Variants in CNTNAP5 observed in about 807,000 individuals in gnomAD.
CNTNAP5 encodes the protein contactin associated protein family member 5.
CNTNAP5 carries 72 observed loss-of-function variants against 150.2 expected under a neutral mutation model. The observed-to-expected ratio is 0.48, with a 90% confidence interval of 0.40 to 0.58. CNTNAP5 has a LOEUF of 0.58. CNTNAP5 is among the 20% of genes least tolerant of loss of function. CNTNAP5 has a pLI of 0.00. For missense variants in CNTNAP5, 1,636 were observed against 1,626.2 expected (o/e 1.01, Z -0.10); for synonymous variants, 672 against 619.8 (o/e 1.08, Z -1.25).
At position 124,803,598 on chromosome 2, in the gene CNTNAP5, T is replaced by A. The variant is rs114609004; in HGVS notation, c.3217+5278T>A. Among the ~76,000 whole-genome samples, 947 of 152,340 alleles carry A rather than the reference T, an allele frequency of 6.2e-3. 10 individuals carry two copies. The highest frequency in any genetic ancestry group is 0.022 in the African/African-American group (916 of 41,586). The stretch of plus-strand genomic sequence containing the variant: ...CTGCCCTCCAGCACCAAATGGTTTG[T>A]CTGACTTTGCTTCAGGATTTCCTTT... On this transcript the variant is annotated intron_variant, in intron 19 of 23. Transcript: ENST00000682447.
At chr2:124,381,261 C>G (rs978080652) in intron 3 of CNTNAP5, among the ~76,000 whole-genome samples, 1 of 152,038 alleles carries the variant, frequency 6.6e-6, no homozygotes, top group African/African-American at 2.4e-5. Context: ...GAACAGGATA[C>G]CAACACAATA....
In CNTNAP5 at chr2:124,798,416, G is replaced by A. The variant is rs1681895135; in HGVS notation, c.3217+96G>A. The A allele has an allele frequency of 2.6e-5, 22 of 851,286 alleles. No homozygotes were observed. The East Asian group carries it at 5.4e-4, about 21-fold the overall frequency. The allele number at this position is 851,286 out of a possible 1,614,324, so 52.7% of individuals were successfully genotyped here. ...CTCTGCATAATTTCAACCTCAAGTT[G>A]GTCCCATCTGGGAAGCTTATTTCCA... On this transcript the variant is annotated intron_variant, in intron 19 of 23. Transcript: ENST00000682447.
chr2:124,696,366 G>T (rs1260013015), intron 13 of CNTNAP5, among the ~76,000 whole-genome samples: 3 of 152,120 alleles, frequency 2.0e-5, no homozygotes, highest in Admixed American at 6.6e-5. Context: ...AAATAAAAAG[G>T]CTTGTGATCT....
chr2:124,513,960 C>T (rs1694650362), intron 8 of CNTNAP5, among the ~76,000 whole-genome samples: 1 of 152,182 alleles, frequency 6.6e-6, no homozygotes, highest in Non-Finnish European at 1.5e-5. Context: ...CATGACGAGG[C>T]CGCAAGCTTC....
intron 19 of CNTNAP5, among the ~76,000 whole-genome samples, chr2:124,822,046 G>A (rs2104670281): frequency 6.6e-6 from 1 of 152,242 alleles, no homozygotes; most frequent in South Asian, 2.1e-4. Flanking sequence ...TTCTTGCAGA[G>A]CCCCTAGTCT....
At chr2:124,806,703 A>G (rs1162940231) in intron 19 of CNTNAP5, among the ~76,000 whole-genome samples, 2 of 152,318 alleles carry the variant, frequency 1.3e-5, no homozygotes, top group East Asian at 3.9e-4. Flanking sequence ...TAGAAAGAAA[A>G]AAGGAGTGCA....
rs138740100 is a variant in CNTNAP5, at chr2:124,265,590, A to G, written c.381+23197A>G. Among the ~76,000 whole-genome samples the G allele has an allele frequency of 3.9e-4, 60 of 152,280 alleles. No individual in the cohort carries two copies. The East Asian group carries it at 9.5e-3, about 24-fold the overall frequency. On this transcript the variant is annotated intron_variant, in intron 3 of 23. Coordinates refer to ENST00000682447, the MANE Select transcript of CNTNAP5 (RefSeq NM_001367498.1). ...GAAAGCATGGGGGACTGAGGGCAAC[A>G]TGCCTGGCAGAGATTACAGCAAGTT... is the stretch of plus-strand genomic sequence containing the variant.
At chr2:124,690,189 G>A (rs1006619473) in intron 13 of CNTNAP5, among the ~76,000 whole-genome samples, 1 of 151,970 alleles carries the variant, frequency 6.6e-6, no homozygotes, top group African/African-American at 2.4e-5. Context: ...TCAGCACAAG[G>A]TCTATTATAG....
At chr2:124,078,762 T>C (rs796312042) in intron 1 of CNTNAP5, among the ~76,000 whole-genome samples, 4 of 152,294 alleles carry the variant, frequency 2.6e-5, no homozygotes, top group African/African-American at 9.6e-5. Context: ...TGCAGGTATT[T>C]TATTTGTGAG....
chr2:124,898,928 C>T (rs1173290373), intron 21 of CNTNAP5, among the ~76,000 whole-genome samples: 3 of 151,450 alleles, frequency 2.0e-5, no homozygotes, highest in Non-Finnish European at 4.4e-5. Context: ...TTTAGTTAGA[C>T]TGGAGAATAA....
At chr2:124,389,005 A>G (rs1212300770) in intron 3 of CNTNAP5, among the ~76,000 whole-genome samples, 4 of 152,202 alleles carry the variant, frequency 2.6e-5, no homozygotes, top group Middle Eastern at 3.2e-3. Flanking sequence ...CGGCTGAACG[A>G]TGTCAACAGG....
chr2:124,642,220 A>C (rs73955536), intron 12 of CNTNAP5, among the ~76,000 whole-genome samples: 1 of 152,088 alleles, frequency 6.6e-6, no homozygotes, highest in Non-Finnish European at 1.5e-5. Context: ...ATGTTTCAGA[A>C]TATTCCACCA....
At chr2:124,788,358 A>G (rs1369458166) in intron 17 of CNTNAP5, among the ~76,000 whole-genome samples, 2 of 152,242 alleles carry the variant, frequency 1.3e-5, no homozygotes, top group African/African-American at 4.8e-5. Context: ...TCTTCAAGAT[A>G]TATCCTCAGC....
rs142491930 is a variant in CNTNAP5, at chr2:124,032,227, A to G, written c.82+6495A>G. On this transcript the variant is annotated intron_variant, in intron 1 of 23. Coordinates refer to ENST00000682447, the MANE Select transcript of CNTNAP5 (RefSeq NM_001367498.1). ...GGGCATCAAAGTATGCTCTTTGAGG[A>G]AAAACAAATTCATCTAAGATTTCAA... Among the ~76,000 whole-genome samples, 1,201 of 152,280 alleles carry G rather than the reference A, an allele frequency of 7.9e-3. 17 individuals carry two copies. The highest frequency in any genetic ancestry group is 0.028 in the African/African-American group (1,160 of 41,554).
At chr2:124,618,306 A>G (rs768377730) in intron 12 of CNTNAP5, among the ~76,000 whole-genome samples, 1 of 152,142 alleles carries the variant, frequency 6.6e-6, no homozygotes, top group Non-Finnish European at 1.5e-5. Context: ...TAGCAACAAG[A>G]TGTCCTCACA....
chr2:124,500,726 G>A (rs970167537), intron 7 of CNTNAP5, among the ~76,000 whole-genome samples: 9 of 151,320 alleles, frequency 5.9e-5, no homozygotes, highest in African/African-American at 2.2e-4. Flanking sequence ...ATCCCTAGGG[G>A]CAAATGTCTA....
chr2:124,583,646 G>C (rs1400814230), intron 11 of CNTNAP5, among the ~76,000 whole-genome samples: 2 of 152,294 alleles, frequency 1.3e-5, no homozygotes, highest in Non-Finnish European at 2.9e-5. Flanking sequence ...AAAACCACAG[G>C]AAAGATACTT....
chr2:124,410,977 C>A (rs542228850), intron 3 of CNTNAP5, among the ~76,000 whole-genome samples: 167 of 151,682 alleles, frequency 1.1e-3, no homozygotes, highest in African/African-American at 3.9e-3. Context: ...ATTGATAGAC[C>A]GCTAGCAGGA....
intron 4 of CNTNAP5, among the ~76,000 whole-genome samples, chr2:124,427,455 A>ATTAT (rs918620561): frequency 6.6e-6 from 1 of 151,388 alleles, no homozygotes; most frequent in African/African-American, 2.4e-5. Context: ...TTTTTTTATT[A>ATTAT]TTATTTATTT....
Sources: gnomAD v4.1 joint callset for allele counts (sites outside exome capture counted in the v4.1 genomes callset) on GRCh38, gnomAD v4.1.1 for gene constraint, MANE v1.5 for transcripts, NCBI Gene and HGNC (gene_info 2026-07-23, HGNC 2026-07-21) for gene names.